The following HNF4A variants were observed in gnomAD, a reference collection of about 807,000 sequenced individuals.
HNF4A encodes the protein hepatocyte nuclear factor 4 alpha.
A neutral mutation model predicts 52.4 loss-of-function variants in HNF4A; 15 were observed. The ratio of observed to expected loss-of-function variants is 0.29; its 90% CI spans 0.19 to 0.44. HNF4A has a LOEUF of 0.44. HNF4A is among the 20% of genes least tolerant of loss of function. The probability of loss-of-function intolerance (pLI) is 1.00; values close to 1 mark genes in which losing one functional copy is unlikely to be tolerated. For missense variants in HNF4A, 479 were observed against 647.2 expected, an observed-to-expected ratio of 0.74 and a Z score of 2.82; for synonymous variants, 280 against 264.4, an observed-to-expected ratio of 1.06 and a Z score of -0.57.
chr20:44,432,924 T>G (rs534002884), downstream of HNF4A: 1 of 151,376 alleles, frequency 6.6e-6, no homozygotes, highest in African/African-American at 2.5e-5. Flanking sequence ...GTTAAAAAAT[T>G]TTTTTTAAAG....
chr20:44,368,161 T>TATATATA (rs71195542), intron 1 of HNF4A, among the ~76,000 whole-genome samples: 6 of 18,314 alleles, frequency 3.3e-4, no homozygotes, highest in Non-Finnish European at 5.7e-4. Context: ...TATATATATA[T>TATATATA]TTTTTTTTTT....
chr20:44,386,159 A>ATT lies in HNF4A; in HGVS notation c.50-19875_50-19874dup, dbSNP rs35559000. The stretch of plus-strand genomic sequence containing the variant: ...AGCCACCGTGCCCAGCCACCATCTG[A>ATT]TTTTTTTTTTTTTTTTTTTTTTTTT... On this transcript the variant is annotated intron_variant, in intron 1 of 9. Coordinates refer to the HNF4A transcript ENST00000316673. 5.1e-3 allele frequency among the ~76,000 whole-genome samples: 376 copies of ATT among 73,018 alleles called. 6 individuals are homozygous for ATT. The highest frequency in any genetic ancestry group is 0.013 in the African/African-American group (210 of 16,746). The allele number at this position is 73,018 out of a possible 152,430, so 47.9% of individuals were successfully genotyped here. A position where few individuals can be genotyped will look rare whatever the true frequency, so the allele number is the denominator to read the frequency against.
intron 1 of HNF4A, among the ~76,000 whole-genome samples, chr20:44,369,733 C>G (rs181569303): frequency 7.4e-4 from 113 of 152,226 alleles, no homozygotes; most frequent in Non-Finnish European, 1.4e-3. Flanking sequence ...GTGGCATGAT[C>G]TTGGCTCACT....
chr20:44,358,421 C>A (rs1200535759), intron 1 of HNF4A, among the ~76,000 whole-genome samples: 3 of 151,808 alleles, frequency 2.0e-5, no homozygotes, highest in Admixed American at 1.3e-4. Context: ...ACCAGCCTGG[C>A]CAACATGGCA....
At chr20:44,428,257 G>A (rs1752061142) in intron 8 of HNF4A, 78 bp from the exon 9 acceptor site, 5 of 1,497,126 alleles carry the variant, frequency 3.3e-6, no homozygotes, top group Non-Finnish European at 4.6e-6. Context: ...GATTGGCCAC[G>A]CCTGAGGAAG....
At chr20:44,421,785 A>ATAAT (rs1423358596) in intron 7 of HNF4A, among the ~76,000 whole-genome samples, 2 of 146,614 alleles carry the variant, frequency 1.4e-5, no homozygotes, top group Non-Finnish European at 3.0e-5. Flanking sequence ...ATATATATAT[A>ATAAT]ATATATATTA....
At chr20:44,429,163 C>T (rs961201105) in intron 9 of HNF4A, among the ~76,000 whole-genome samples, 31 of 152,184 alleles carry the variant, frequency 2.0e-4, no homozygotes, top group Admixed American at 4.6e-4. Flanking sequence ...AACTGCTGCT[C>T]CTTCTCCCAG....
At chr20:44,398,675 T>G (rs1029749482), upstream of HNF4A, among the ~76,000 whole-genome samples, 1 of 152,186 alleles carries the variant, frequency 6.6e-6, no homozygotes, top group Admixed American at 6.5e-5. Flanking sequence ...TCATGCAGAT[T>G]GTGCATTTGG....
chr20:44,426,424 A>G (rs1016319661), intron 8 of HNF4A, among the ~76,000 whole-genome samples: 1 of 152,086 alleles, frequency 6.6e-6, no homozygotes, highest in Admixed American at 6.5e-5. Context: ...TGGTTTGACT[A>G]TGAAGGGGAG....
intron 1 of HNF4A, among the ~76,000 whole-genome samples, chr20:44,367,682 G>A (rs1052302164): frequency 2.7e-5 from 4 of 150,878 alleles, no homozygotes; most frequent in South Asian, 4.2e-4. Context: ...ACATGGTGGC[G>A]CACACTTAAA....
intron 1 of HNF4A, among the ~76,000 whole-genome samples, chr20:44,377,331 G>A (rs1040302056): frequency 1.3e-5 from 2 of 152,140 alleles, no homozygotes; most frequent in African/African-American, 4.8e-5. Context: ...TACCTATTGG[G>A]TACCATGCTC....
chr20:44,371,150 G>T (rs964552457), intron 1 of HNF4A, among the ~76,000 whole-genome samples: 1 of 152,220 alleles, frequency 6.6e-6, no homozygotes, highest in African/African-American at 2.4e-5. Flanking sequence ...CTGGGAGCAG[G>T]TTGTGGTCCC....
intron 1 of HNF4A, among the ~76,000 whole-genome samples, chr20:44,381,405 T>G (rs2063152392): frequency 6.6e-6 from 1 of 150,868 alleles, no homozygotes; most frequent in Admixed American, 6.6e-5. Flanking sequence ...CTCACTCTCC[T>G]GAGTAGCTGG....
intron 1 of HNF4A, among the ~76,000 whole-genome samples, chr20:44,357,610 C>A (rs1007268964): frequency 6.6e-6 from 1 of 152,088 alleles, no homozygotes; most frequent in African/African-American, 2.4e-5. Flanking sequence ...TGTAGGATGT[C>A]CTCATGTCTC....
chr20:44,428,288 G>T (rs758321281), intron 8 of HNF4A, 47 bp from the exon 9 acceptor site: 136 of 1,607,916 alleles, frequency 8.5e-5, no homozygotes, highest in Non-Finnish European at 1.1e-4. Flanking sequence ...AAGGCCTGAG[G>T]TCTGCATCCC....
In HNF4A at chr20:44,418,515, G is replaced by A; in HGVS notation, c.736+3G>A. 6.2e-7 allele frequency: 1 copy of A among 1,609,958 alleles called. No homozygotes were observed. The highest frequency in any genetic ancestry group is 8.5e-7 in the Non-Finnish European group (1 of 1,178,640). On this transcript the variant is annotated splice_donor_region_variant and intron_variant, in intron 6 of 9. Transcript: ENST00000316099. ...GTTCAAGGACGTGCTGCTCCTAGGTGAGGCGGCTGCCTGCCCTGGCCAGGG... is the reference window on the plus strand; with the variant it reads ...GTTCAAGGACGTGCTGCTCCTAGGTAAGGCGGCTGCCTGCCCTGGCCAGGG...
intron 1 of HNF4A, among the ~76,000 whole-genome samples, chr20:44,367,649 A>G (rs2062983701): frequency 6.6e-6 from 1 of 151,648 alleles, no homozygotes; most frequent in South Asian, 2.1e-4. Context: ...CAAAAAAAAA[A>G]AAAAAATTAA....
chr20:44,409,100 G>A (rs1205460220), intron 3 of HNF4A, among the ~76,000 whole-genome samples: 3 of 152,110 alleles, frequency 2.0e-5, no homozygotes, highest in Non-Finnish European at 4.4e-5. Context: ...CTCATGAGCT[G>A]TCTTGGAAAA....
At chr20:44,387,796 G>A (rs1320971910) in intron 1 of HNF4A, among the ~76,000 whole-genome samples, 1 of 151,932 alleles carries the variant, frequency 6.6e-6, no homozygotes, top group Non-Finnish European at 1.5e-5. Flanking sequence ...GGCTGGGGTG[G>A]AGATGGAAAG....
Sources: allele counts gnomAD v4.1 joint callset (sites outside exome capture counted in the v4.1 genomes callset), GRCh38; gene constraint gnomAD v4.1.1; transcripts MANE v1.5; gene names NCBI Gene and HGNC (gene_info 2026-07-23, HGNC 2026-07-21).